The following PKHD1 variants were observed in gnomAD, a reference collection of about 807,000 sequenced individuals.
PKHD1 encodes PKHD1 ciliary IPT domain containing fibrocystin/polyductin, also known as fibrocystin.
In PKHD1, 291 loss-of-function variants were observed where a neutral mutation model predicts 412.0. The observed-to-expected ratio is 0.71, with a 90% CI of 0.64 to 0.78. PKHD1 has a LOEUF of 0.78. Ranked by LOEUF, PKHD1 falls within the 30% of genes least tolerant of loss-of-function variation. The probability of loss-of-function intolerance (pLI) is 0.00; values close to 1 mark genes in which losing one functional copy is unlikely to be tolerated. For missense variants in PKHD1, 4,825 were observed against 4,950.7 expected (o/e 0.97, Z 0.76); for synonymous variants, 1,777 against 1,821.5 (o/e 0.98, Z 0.62).
chr6:51,700,093 A>G (rs1562125889), intron 60 of PKHD1, among the ~76,000 whole-genome samples: 2 of 152,118 alleles, frequency 1.3e-5, no homozygotes, highest in South Asian at 4.1e-4. Flanking sequence ...AGCATAAATA[A>G]AAAACATTAA....
intron 35 of PKHD1, among the ~76,000 whole-genome samples, chr6:51,996,725 C>G (rs1797758004): frequency 6.6e-6 from 1 of 152,194 alleles, no homozygotes; most frequent in African/African-American, 2.4e-5. Flanking sequence ...CCCTCAAAAT[C>G]TCATGCAACA....
rs148876035 is a variant in PKHD1, at chr6:51,747,717, A to C, written c.9829+70T>G. The C allele has an allele frequency of 3.9e-3, 5,314 of 1,357,454 alleles. 24 individuals carry two copies. The highest frequency in any genetic ancestry group is 4.4e-3 in the Non-Finnish European group (4,194 of 950,072). 84.1% of individuals were successfully genotyped at this position (1,357,454 alleles called of 1,614,324 possible). A position where few individuals can be genotyped will look rare whatever the true frequency, so the allele number is the denominator to read the frequency against. The stretch of plus-strand genomic sequence containing the variant: ...TGTACCTTTTTGTTGATAAAATTTC[A>C]GAATGCCATTAAAAATTTTATGCAT... On this transcript the variant is annotated intron_variant, in intron 58 of 66. Transcript: ENST00000371117.
chr6:51,631,734 C>A (rs961309901), intron 65 of PKHD1, among the ~76,000 whole-genome samples: 1 of 151,922 alleles, frequency 6.6e-6, no homozygotes, highest in Admixed American at 6.6e-5. Flanking sequence ...TAGAAAGAAG[C>A]TTCATTTACA....
rs367585172 is a variant in PKHD1, at chr6:52,053,265, T to C, written c.1965-14A>G. The C allele has an allele frequency of 1.2e-6, 2 of 1,613,854 alleles. No homozygotes were observed. Among genetic ancestry groups the C allele is most frequent in the African/African-American group, 1.3e-5 (1 of 75,050 alleles). The stretch of plus-strand genomic sequence containing the variant: ...TCGAACTGCCAGCTGAAAAACAGCA[T>C]GGAGCAGAACTGGGCTCTCAGGGAG... On this transcript the variant is annotated splice_polypyrimidine_tract_variant and intron_variant, in intron 20 of 66. Coordinates refer to ENST00000371117, the MANE Select transcript of PKHD1 (RefSeq NM_138694.4).
At chr6:51,864,362 G>T (rs1774697998) in intron 48 of PKHD1, among the ~76,000 whole-genome samples, 1 of 152,154 alleles carries the variant, frequency 6.6e-6, no homozygotes, top group East Asian at 1.9e-4. Flanking sequence ...TTCAGAGATT[G>T]AAACACCGAA....
intron 35 of PKHD1, among the ~76,000 whole-genome samples, chr6:51,977,984 C>G (rs949335945): frequency 1.3e-5 from 2 of 152,132 alleles, no homozygotes; most frequent in African/African-American, 4.8e-5. Context: ...CCACCATCCT[C>G]CCCGCAAAAA....
chr6:51,626,852 G>T, intron 66 of PKHD1, 145 bp downstream of exon 66: 3 of 794,076 alleles, frequency 3.8e-6, no homozygotes, highest in East Asian at 2.5e-5. Context: ...TTCTGCTGGG[G>T]TATAATTTCT....
chr6:52,045,555 C>T (rs918851510), intron 24 of PKHD1, among the ~76,000 whole-genome samples: 1 of 152,136 alleles, frequency 6.6e-6, no homozygotes, highest in African/African-American at 2.4e-5. Context: ...TTTATAATAA[C>T]CAAATGCTAG....
chr6:51,872,250 A>C (rs1213455600), intron 46 of PKHD1, among the ~76,000 whole-genome samples: 2 of 152,172 alleles, frequency 1.3e-5, no homozygotes, highest in African/African-American at 4.8e-5. Context: ...CAGACTGAAA[A>C]GTCCCACTCA....
At chr6:52,053,016 C>T (rs1056519584) in intron 21 of PKHD1, 60 bp downstream of exon 21, 2 of 1,515,574 alleles carry the variant, frequency 1.3e-6, no homozygotes, top group Middle Eastern at 1.7e-4. Flanking sequence ...TAACCCCTAG[C>T]AGGAAAGTTT....
chr6:51,972,740 C>A (rs1284961251), intron 35 of PKHD1, among the ~76,000 whole-genome samples: 2 of 152,208 alleles, frequency 1.3e-5, no homozygotes, highest in Non-Finnish European at 2.9e-5. Flanking sequence ...CCAAACACAT[C>A]CGCCACACAT....
chr6:51,925,762 C>T (rs1369825213), intron 37 of PKHD1, among the ~76,000 whole-genome samples: 1 of 152,034 alleles, frequency 6.6e-6, no homozygotes, highest in Non-Finnish European at 1.5e-5. Flanking sequence ...CTATCTGCTT[C>T]TCTTTTTCTC....
At chr6:51,760,464 G>C (rs1787808978) in intron 55 of PKHD1, among the ~76,000 whole-genome samples, 1 of 152,116 alleles carries the variant, frequency 6.6e-6, no homozygotes, top group Non-Finnish European at 1.5e-5. Context: ...ACGTTCAGAT[G>C]ATGGGAAAAT....
chr6:52,042,393 CT>C (rs1160046476), intron 27 of PKHD1, among the ~76,000 whole-genome samples: 1 of 152,180 alleles, frequency 6.6e-6, no homozygotes, highest in Non-Finnish European at 1.5e-5. Flanking sequence ...TCCTGAGATT[CT>C]TGCAATCTGG....
intron 60 of PKHD1, among the ~76,000 whole-genome samples, chr6:51,669,640 G>A (rs1282280426): frequency 1.5e-5 from 2 of 129,268 alleles, no homozygotes; most frequent in East Asian, 4.5e-4. Context: ...TGTGATGTTA[G>A]GGTGTCAATT....
chr6:52,050,034 A>G, intron 22 of PKHD1, 123 bp downstream of exon 22: 1 of 892,928 alleles, frequency 1.1e-6, no homozygotes. Flanking sequence ...CATTCTCAAG[A>G]TTGAGAACAT....
At chr6:51,925,457 G>GTA (rs1554140254) in intron 37 of PKHD1, among the ~76,000 whole-genome samples, 4,662 of 128,850 alleles carry the variant, frequency 0.036, 206 homozygotes, top group African/African-American at 0.12. Context: ...GTGTGTGTAT[G>GTA]TGTGTGTGTG....
chr6:52,010,216 G>A (rs1004652171), intron 35 of PKHD1, 93 bp downstream of exon 35: 2 of 1,068,514 alleles, frequency 1.9e-6, no homozygotes, highest in Non-Finnish European at 2.8e-6. Flanking sequence ...ATATATCGCT[G>A]CCATTTGGAC....
chr6:52,050,776 C>T lies in PKHD1; in HGVS notation c.2141-481G>A, dbSNP rs993450801. Among the ~76,000 whole-genome samples the T allele has an allele frequency of 3.3e-5, 5 of 152,292 alleles. No homozygotes were observed. In the East Asian group the frequency reaches 9.7e-4, roughly 29 times the overall value. On this transcript the variant is annotated intron_variant, in intron 21 of 66. Transcript: ENST00000371117. ...AGCATGTGTGCAGAAAGGGTGCAAGCTTTAAGAGAGACCACTGGTCAAATC... is the reference window on the plus strand; with the variant it reads ...AGCATGTGTGCAGAAAGGGTGCAAGTTTTAAGAGAGACCACTGGTCAAATC...
Sources: allele counts gnomAD v4.1 joint callset (sites outside exome capture counted in the v4.1 genomes callset), GRCh38; gene constraint gnomAD v4.1.1; transcripts MANE v1.5; gene names NCBI Gene and HGNC (gene_info 2026-07-23, HGNC 2026-07-21).